Variants in LHPP observed in about 807,000 individuals in gnomAD.
The protein encoded by LHPP is phospholysine phosphohistidine inorganic pyrophosphate phosphatase.
LHPP carries 24 observed loss-of-function variants against 30.3 expected under a neutral mutation model. The observed-to-expected ratio is 0.79, with a 90% CI of 0.57 to 1.11. The LOEUF is 1.11. Among genes scored for constraint, LHPP ranks in the 50% most tolerant of loss-of-function variants. The pLI is 0.00. For missense variants in LHPP, 356 were observed against 367.2 expected (o/e 0.97, Z 0.25); for synonymous variants, 150 against 157.1 (o/e 0.95, Z 0.34).
At chr10:124,466,521 A>G (rs546965043) in intron 1 of LHPP, among the ~76,000 whole-genome samples, 1 of 152,232 alleles carries the variant, frequency 6.6e-6, no homozygotes, top group East Asian at 1.9e-4. Flanking sequence ...CAGTGGTGCA[A>G]TTTTGGCTTA....
intron 6 of LHPP, among the ~76,000 whole-genome samples, chr10:124,605,917 G>A (rs918148250): frequency 6.6e-6 from 1 of 152,112 alleles, no homozygotes; most frequent in African/African-American, 2.4e-5. Context: ...GGGTCACCCT[G>A]TGGGTTCCGG....
chr10:124,560,643 A>T (rs1948380545), intron 6 of LHPP, among the ~76,000 whole-genome samples: 1 of 152,174 alleles, frequency 6.6e-6, no homozygotes, highest in Non-Finnish European at 1.5e-5. Flanking sequence ...CGTGCTCCCG[A>T]CGTCAGGCTC....
At chr10:124,566,915 G>A (rs531388381) in intron 6 of LHPP, among the ~76,000 whole-genome samples, 12 of 152,344 alleles carry the variant, frequency 7.9e-5, no homozygotes, top group African/African-American at 2.4e-4. Flanking sequence ...GAGCAGGGGT[G>A]CAGAAGAGAA....
intron 6 of LHPP, among the ~76,000 whole-genome samples, chr10:124,565,302 G>A (rs554299438): frequency 6.6e-6 from 1 of 152,256 alleles, no homozygotes; most frequent in East Asian, 1.9e-4. Context: ...TCGCTAGCTT[G>A]TTCTTGCAGA....
intron 6 of LHPP, among the ~76,000 whole-genome samples, chr10:124,521,460 C>T (rs1292620339): frequency 6.6e-6 from 1 of 152,260 alleles, no homozygotes; most frequent in Non-Finnish European, 1.5e-5. Flanking sequence ...TGCTGAGCCT[C>T]TCCTCTCCTG....
chr10:124,587,496 T>A (rs1438590255), intron 6 of LHPP, among the ~76,000 whole-genome samples: 2 of 151,088 alleles, frequency 1.3e-5, no homozygotes, highest in African/African-American at 4.9e-5. Context: ...ATCCCAGCAC[T>A]TTGGGAGGCC....
intron 5 of LHPP, among the ~76,000 whole-genome samples, chr10:124,507,087 G>C (rs923093502): frequency 0.028 from 607 of 21,874 alleles, 203 homozygotes; most frequent in African/African-American, 0.16. Context: ...TTCAGGTGGG[G>C]GGGTAGGGAG....
rs760190285 is a variant in LHPP, at chr10:124,613,306, C to T, written c.759C>T (p.Tyr253=). The T allele has an allele frequency of 1.9e-5, 30 of 1,613,522 alleles. No individual in the cohort carries two copies. In the South Asian group the frequency reaches 2.7e-4, roughly 15 times the overall value. ...EHHPEVKADG[Y]VDNLAEAVDL... ...ATCCGGAAGTGAAGGCTGATGGGTA[C>T]GTGGACAACCTCGCAGAGGCAGTGG... The change falls in exon 7 of 7, where the codon TAC becomes TAT. Residue 253 remains tyrosine (Y), a synonymous_variant. Transcript: ENST00000368842.
intron 6 of LHPP, among the ~76,000 whole-genome samples, chr10:124,561,526 C>T (rs1439203107): frequency 1.3e-5 from 2 of 151,824 alleles, no homozygotes; most frequent in Non-Finnish European, 2.9e-5. Flanking sequence ...CAAGGCTATC[C>T]GCCCCCCCCA....
intron 2 of LHPP, among the ~76,000 whole-genome samples, chr10:124,484,911 A>G (rs1953273623): frequency 6.6e-6 from 1 of 152,208 alleles, no homozygotes; most frequent in Non-Finnish European, 1.5e-5. Context: ...TTTTCTTGGA[A>G]TGAAGCAGAA....
chr10:124,559,574 G>A (rs1284854052), intron 6 of LHPP, among the ~76,000 whole-genome samples: 1 of 152,274 alleles, frequency 6.6e-6, no homozygotes, highest in Non-Finnish European at 1.5e-5. Flanking sequence ...GGTGAGGCTG[G>A]TGAGGCCCAG....
intron 1 of LHPP, among the ~76,000 whole-genome samples, chr10:124,473,215 C>T (rs1952841829): frequency 6.6e-6 from 1 of 152,154 alleles, no homozygotes. Context: ...CCTGCCCCTA[C>T]CCCCAGTGCC....
chr10:124,531,260 G>A (rs1954896488), intron 6 of LHPP, among the ~76,000 whole-genome samples: 1 of 152,192 alleles, frequency 6.6e-6, no homozygotes, highest in African/African-American at 2.4e-5. Flanking sequence ...TGCTAATCCC[G>A]TGCAAGCTGG....
chr10:124,517,452 A>G lies in LHPP; in HGVS notation c.716+181A>G, dbSNP rs931819585. ...AGGGCTGAGTGGTCTTTTATAGCAG[A>G]CAGTGATAAAGTAGAGTGGCTTTTG... is the stretch of plus-strand genomic sequence containing the variant. On this transcript the variant is annotated intron_variant, in intron 6 of 6. Coordinates refer to ENST00000368842, the MANE Select transcript of LHPP (RefSeq NM_022126.4). This position sits in a 1 kb window ranked among gnomAD's most constrained non-coding sequence, Gnocchi z 4.1. 1 of 418,972 alleles carries G rather than the reference A, an allele frequency of 2.4e-6. No individual in the cohort carries two copies. The highest frequency in any genetic ancestry group is 4.2e-6 in the Non-Finnish European group (1 of 235,476). The allele number at this position is 418,972 out of a possible 1,614,324, so 26.0% of individuals were successfully genotyped here.
chr10:124,465,654 T>C (rs2459212), intron 1 of LHPP, among the ~76,000 whole-genome samples: 126,931 of 151,892 alleles, frequency 0.84, 53,548 homozygotes, highest in African/African-American at 0.96. Flanking sequence ...CTCTGCCTCC[T>C]GGGTTCAAGC....
At chr10:124,552,661 G>A (rs1948192756) in intron 6 of LHPP, among the ~76,000 whole-genome samples, 1 of 152,102 alleles carries the variant, frequency 6.6e-6, no homozygotes, top group Admixed American at 6.5e-5. Flanking sequence ...TTCTAAATCG[G>A]GTCTAGATGG....
chr10:124,569,535 C>T (rs577435144), intron 6 of LHPP, among the ~76,000 whole-genome samples: 6 of 151,590 alleles, frequency 4.0e-5, no homozygotes, highest in East Asian at 2.0e-4. Flanking sequence ...GGGAACGTGG[C>T]GGGCAGGGTG....
At chr10:124,507,393 A>G (rs1954156575) in intron 5 of LHPP, among the ~76,000 whole-genome samples, 1 of 10,662 alleles carries the variant, frequency 9.4e-5, no homozygotes, top group Non-Finnish European at 1.5e-4. Context: ...GATAGGGAGT[A>G]TTTCAGGTGG....
chr10:124,485,178 TGG>T (rs1019735189), intron 2 of LHPP, among the ~76,000 whole-genome samples: 4 of 152,128 alleles, frequency 2.6e-5, no homozygotes, highest in Admixed American at 6.6e-5. Context: ...GTGACAGGCC[TGG>T]CCTTTAGAAA....
Sources: gnomAD v4.1 joint callset for allele counts (sites outside exome capture counted in the v4.1 genomes callset) on GRCh38, gnomAD v4.1.1 for gene constraint, Gnocchi (gnomAD v3.1) non-coding constraint, MANE v1.5 for transcripts, NCBI Gene and HGNC (gene_info 2026-07-23, HGNC 2026-07-21) for gene names.